PALLD: variants seen among roughly 807,000 people sequenced by gnomAD.
PALLD encodes palladin.
PALLD carries 61 observed loss-of-function variants against 123.5 expected under a neutral mutation model. The observed-to-expected ratio is 0.49, with a 90% CI of 0.40 to 0.61. The LOEUF (loss-of-function observed/expected upper bound fraction) is 0.61, where lower values mean the gene tolerates loss of function less well. Ranked by LOEUF, PALLD falls within the 20% of genes least tolerant of loss-of-function variation. PALLD has a pLI of 0.00. For missense variants in PALLD, 1,273 were observed against 1,377.0 expected (o/e 0.92, Z 1.20); for synonymous variants, 465 against 496.4 (o/e 0.94, Z 0.84).
intron 2 of PALLD, among the ~76,000 whole-genome samples, chr4:168,615,161 TAA>T (rs11381519): frequency 2.0e-5 from 3 of 146,530 alleles, no homozygotes; most frequent in Admixed American, 6.8e-5. Flanking sequence ...GATGGTAAGT[TAA>T]AAAAAAAAAA....
chr4:168,615,080 C>T (rs1379466184), intron 2 of PALLD, among the ~76,000 whole-genome samples: 1 of 151,738 alleles, frequency 6.6e-6, no homozygotes, highest in Non-Finnish European at 1.5e-5. Flanking sequence ...GAATAAACTG[C>T]TGTATACAGG....
chr4:168,812,730 G>C (rs28497922), intron 10 of PALLD, among the ~76,000 whole-genome samples: 4,290 of 152,272 alleles, frequency 0.028, 210 homozygotes, highest in African/African-American at 0.098. Flanking sequence ...TTGAGATTCA[G>C]AGTCAAAGTT....
intron 10 of PALLD, among the ~76,000 whole-genome samples, chr4:168,767,562 T>C (rs906466340): frequency 7.7e-4 from 91 of 118,856 alleles, no homozygotes; most frequent in African/African-American, 2.8e-3. Flanking sequence ...TTTTTTTTTT[T>C]CCGAGACAGA....
chr4:168,709,524 AAGG>A (rs1784533706), intron 9 of PALLD, among the ~76,000 whole-genome samples: 2 of 566 alleles, frequency 3.5e-3, no homozygotes, highest in Non-Finnish European at 0.037. Flanking sequence ...GGAAGGAAGG[AAGG>A]AAGGAAGGAA....
chr4:168,898,899 G>T (rs1250040359), intron 14 of PALLD, among the ~76,000 whole-genome samples, 185 bp downstream of exon 14: 1 of 152,198 alleles, frequency 6.6e-6, no homozygotes, highest in Non-Finnish European at 1.5e-5. Context: ...AAAAAAGGTG[G>T]TGGGGGGAGT....
intron 9 of PALLD, among the ~76,000 whole-genome samples, chr4:168,710,488 TA>T (rs1347685184): frequency 6.6e-6 from 1 of 152,212 alleles, no homozygotes; most frequent in Non-Finnish European, 1.5e-5. Context: ...AACTGAATTG[TA>T]CTTGGATTCC....
intron 2 of PALLD, chr4:168,648,492 T>G (rs568767301): frequency 6.6e-6 from 1 of 152,318 alleles, no homozygotes; most frequent in Non-Finnish European, 1.5e-5. Flanking sequence ...GTGTAAGTAC[T>G]TTGTCTGGAG....
chr4:168,778,296 A>G (rs889254923), intron 10 of PALLD, among the ~76,000 whole-genome samples: 2 of 152,160 alleles, frequency 1.3e-5, no homozygotes, highest in Non-Finnish European at 2.9e-5. Context: ...GCATCACCCA[A>G]TCAATCATCT....
intron 2 of PALLD, among the ~76,000 whole-genome samples, chr4:168,607,101 CA>C (rs1773257018): frequency 6.6e-6 from 1 of 151,890 alleles, no homozygotes; most frequent in African/African-American, 2.4e-5. Flanking sequence ...TGGGAGTTGA[CA>C]GGGGAACATT....
intron 15 of PALLD, among the ~76,000 whole-genome samples, chr4:168,913,376 A>G (rs892922308): frequency 6.6e-6 from 1 of 152,032 alleles, no homozygotes; most frequent in Non-Finnish European, 1.5e-5. Flanking sequence ...TGACCTCGTG[A>G]TCCACCTGCG....
intron 10 of PALLD, among the ~76,000 whole-genome samples, chr4:168,851,161 C>G (rs1006475042): frequency 3.3e-5 from 5 of 152,122 alleles, no homozygotes; most frequent in Non-Finnish European, 7.4e-5. Context: ...AACATTTATT[C>G]CCTGCTGCAG....
intron 10 of PALLD, among the ~76,000 whole-genome samples, chr4:168,787,080 G>A (rs899703480): frequency 6.6e-6 from 1 of 152,140 alleles, no homozygotes; most frequent in Admixed American, 6.5e-5. Flanking sequence ...TTTAAAACAT[G>A]GGAGATAATG....
chr4:168,792,933 A>G (rs900226838), intron 10 of PALLD, among the ~76,000 whole-genome samples: 1 of 151,208 alleles, frequency 6.6e-6, no homozygotes, highest in Non-Finnish European at 1.5e-5. Flanking sequence ...CGCCTGGCTA[A>G]TTTTTGTATT....
intron 10 of PALLD, among the ~76,000 whole-genome samples, chr4:168,771,493 C>T (rs762421798): frequency 3.3e-5 from 5 of 152,088 alleles, no homozygotes; most frequent in Admixed American, 6.6e-5. Flanking sequence ...TGTCCCTTCC[C>T]GGAGGCATAG....
intron 10 of PALLD, among the ~76,000 whole-genome samples, chr4:168,871,068 T>C (rs1751010180): frequency 6.6e-6 from 1 of 152,102 alleles, no homozygotes; most frequent in Non-Finnish European, 1.5e-5. Context: ...GTAAAGCCAT[T>C]TGGGGAGTAG....
chr4:168,580,894 C>A (rs888095671), intron 2 of PALLD, among the ~76,000 whole-genome samples: 2 of 151,824 alleles, frequency 1.3e-5, no homozygotes, highest in Non-Finnish European at 2.9e-5. Context: ...ACTGCATGTT[C>A]TCACTTATAA....
intron 10 of PALLD, among the ~76,000 whole-genome samples, chr4:168,800,891 A>T (rs1456936837): frequency 6.6e-6 from 1 of 152,234 alleles, no homozygotes; most frequent in African/African-American, 2.4e-5. Context: ...CAAGTAAGGA[A>T]ATTGTGGTAG....
chr4:168,901,228 T>A lies in PALLD; in HGVS notation c.2472+2514T>A, dbSNP rs571131860. Among the ~76,000 whole-genome samples, 7 of 152,358 alleles carry A rather than the reference T, an allele frequency of 4.6e-5. 1 individual carries two copies. In the East Asian group the frequency reaches 1.2e-3, roughly 25 times the overall value. The stretch of plus-strand genomic sequence containing the variant: ...ACATTAGGATTGTTAAAGTATGGAA[T>A]ATTCATGTTTAAAGAAATACATGTT... On this transcript the variant is annotated intron_variant, in intron 14 of 21. Coordinates refer to ENST00000505667, the MANE Select transcript of PALLD (RefSeq NM_001166108.2).
chr4:168,766,261 A>C (rs2150473484), intron 10 of PALLD, among the ~76,000 whole-genome samples: 1 of 152,366 alleles, frequency 6.6e-6, no homozygotes, highest in South Asian at 2.1e-4. Flanking sequence ...ATTGCTCCTA[A>C]GTTCCTAGAC....
Sources: allele counts gnomAD v4.1 joint callset (sites outside exome capture counted in the v4.1 genomes callset), GRCh38; gene constraint gnomAD v4.1.1; transcripts MANE v1.5; gene names NCBI Gene and HGNC (gene_info 2026-07-23, HGNC 2026-07-21).